SIM1: variants seen among roughly 807,000 people sequenced by gnomAD.
The protein encoded by SIM1 is SIM bHLH transcription factor 1.
A neutral mutation model predicts 78.2 loss-of-function variants in SIM1; 18 were observed. That is an observed-to-expected ratio of 0.23 (90% CI 0.16 to 0.34). SIM1 has a LOEUF of 0.34. Ranked by LOEUF, SIM1 falls within the 10% of genes least tolerant of loss-of-function variation. The pLI is 1.00. For missense variants in SIM1, 939 were observed against 975.1 expected (o/e 0.96, Z 0.49); for synonymous variants, 417 against 385.2 (o/e 1.08, Z -0.97).
chr6:100,404,508 A>G (rs572755564), intron 10 of SIM1, among the ~76,000 whole-genome samples: 1 of 152,316 alleles, frequency 6.6e-6, no homozygotes, highest in South Asian at 2.1e-4. Flanking sequence ...ACTGCATTGT[A>G]CTAAGAACAT....
At chr6:100,450,690 TCTCTCTCACA>T (rs1437764400) in intron 3 of SIM1, among the ~76,000 whole-genome samples, 71 of 97,456 alleles carry the variant, frequency 7.3e-4, no homozygotes, top group East Asian at 1.4e-3. Flanking sequence ...TCTCTCTCTC[TCTCTCTCACA>T]CACACACACA....
At chr6:100,394,785 A>C (rs1001841925) in intron 10 of SIM1, among the ~76,000 whole-genome samples, 2 of 152,220 alleles carry the variant, frequency 1.3e-5, no homozygotes, top group African/African-American at 4.8e-5. Flanking sequence ...CATTAAGTTA[A>C]CTCTGTTAAC....
Position 100,448,266 on chromosome 6 carries a change from TC to T in SIM1, c.744-15del. On this transcript the variant is annotated splice_polypyrimidine_tract_variant and intron_variant, in intron 7 of 11. Coordinates refer to ENST00000369208, the MANE Select transcript of SIM1 (RefSeq NM_005068.3). ...AGCTCCGCCACCCTGAGGAGAGCAA[TC>T]CCTGCAGGATGAATGCAGGCGCGGG... The T allele has an allele frequency of 1.2e-6, 2 of 1,603,460 alleles. No individual in the cohort carries two copies. The highest frequency in any genetic ancestry group is 1.7e-6 in the Non-Finnish European group (2 of 1,173,014).
At chr6:100,446,671 C>T (rs1772363435) in intron 9 of SIM1, among the ~76,000 whole-genome samples, 1 of 152,216 alleles carries the variant, frequency 6.6e-6, no homozygotes, top group Non-Finnish European at 1.5e-5. Flanking sequence ...CCGCTCCTCA[C>T]TCAGTGAAGC....
At chr6:100,458,930 C>T (rs1349753319) in intron 2 of SIM1, among the ~76,000 whole-genome samples, 3 of 152,220 alleles carry the variant, frequency 2.0e-5, no homozygotes, top group African/African-American at 7.2e-5. Flanking sequence ...GGATCAGACA[C>T]TGGCAATGGG....
At chr6:100,450,168 G>A (rs1166063927) in intron 4 of SIM1, 99 bp downstream of exon 4, 4 of 925,844 alleles carry the variant, frequency 4.3e-6, no homozygotes, top group Non-Finnish European at 7.1e-6. Context: ...CCAGCTCCAG[G>A]TTTAGAGAAG....
At chr6:100,409,712 A>G (rs992659291) in intron 10 of SIM1, among the ~76,000 whole-genome samples, 1 of 152,066 alleles carries the variant, frequency 6.6e-6, no homozygotes, top group African/African-American at 2.4e-5. Context: ...CAACCCAGAC[A>G]TTTTTATATG....
intron 3 of SIM1, among the ~76,000 whole-genome samples, chr6:100,450,926 C>T (rs1772499243): frequency 6.6e-6 from 1 of 152,130 alleles, no homozygotes; most frequent in Admixed American, 6.5e-5. Context: ...AGATGAGAGG[C>T]TTTACAAGGA....
intron 10 of SIM1, among the ~76,000 whole-genome samples, chr6:100,394,544 C>T (rs1370136688): frequency 6.6e-6 from 1 of 152,182 alleles, no homozygotes; most frequent in Non-Finnish European, 1.5e-5. Context: ...TAGGTGAGAT[C>T]ACAGGTGTGC....
intron 4 of SIM1, among the ~76,000 whole-genome samples, chr6:100,450,012 A>G (rs1772468756): frequency 6.6e-6 from 1 of 152,228 alleles, no homozygotes. Context: ...TAAGTATGTA[A>G]CGTCCTCTCA....
chr6:100,428,743 C>T (rs1771810760), intron 9 of SIM1, among the ~76,000 whole-genome samples: 1 of 151,872 alleles, frequency 6.6e-6, no homozygotes, highest in African/African-American at 2.4e-5. Context: ...CCTATGCCTA[C>T]ATTATAGGAA....
chr6:100,416,048 C>A (rs1336103475), intron 10 of SIM1, among the ~76,000 whole-genome samples: 4 of 152,166 alleles, frequency 2.6e-5, no homozygotes, highest in South Asian at 2.1e-4. Context: ...AACTCTCCCT[C>A]CCAGATAAGC....
Position 100,393,837 on chromosome 6 carries a change from C to G in SIM1, c.1220G>C (p.Gly407Ala). Residue 407 changes from glycine (G) to alanine (A), a missense_variant, in exon 11 of 12, where the codon GGC becomes GCC. Around this residue, in one of 5 missense-constraint regions of SIM1, gnomAD observed 556 missense variants for 521.9 expected, o/e 1.07. Transcript: ENST00000369208. The part of the protein sequence containing the change: ...RSESDHDSQW[G>A]GSPLTDTASP... ...GGCCGTGTCGGTCAAGGGACTTCCG[C>G]CCCACTGGCTGTCATGATCAGATTC... is the stretch of plus-strand genomic sequence containing the variant. 1 of 1,605,688 alleles carries G rather than the reference C, an allele frequency of 6.2e-7. No homozygotes were observed. Among genetic ancestry groups the G allele is most frequent in the African/African-American group, 1.3e-5 (1 of 74,884 alleles).
chr6:100,399,863 A>T (rs1770862972), intron 10 of SIM1, among the ~76,000 whole-genome samples: 1 of 152,082 alleles, frequency 6.6e-6, no homozygotes, highest in Non-Finnish European at 1.5e-5. Flanking sequence ...TGATCATGTG[A>T]CATGCCTAAA....
chr6:100,393,706 G>A lies in SIM1; in HGVS notation c.1351C>T (p.Leu451Phe), dbSNP rs201392316. ...TCTTCCACCAGCCTCGAGTGGTCAA[G>A]CGCAAAGCCATAGCAGAGAGAGCTG... is the stretch of plus-strand genomic sequence containing the variant. ...DRSSLCYGFA[L>F]DHSRLVEERH... The change falls in exon 11 of 12, where the codon CTT (leucine) becomes TTT (phenylalanine). Residue 451 changes from leucine to phenylalanine, a missense_variant. Transcript: ENST00000369208. The A allele has an allele frequency of 3.8e-5, 62 of 1,614,094 alleles. No homozygotes were observed. The highest frequency in any genetic ancestry group is 5.1e-6 in the Non-Finnish European group (6 of 1,180,016).
intron 9 of SIM1, among the ~76,000 whole-genome samples, chr6:100,422,123 C>T (rs1443333460): frequency 6.6e-6 from 1 of 152,136 alleles, no homozygotes; most frequent in African/African-American, 2.4e-5. Context: ...TTTTCACTTT[C>T]TCTGATTCTC....
chr6:100,447,720 A>G (rs1772394342), intron 8 of SIM1, among the ~76,000 whole-genome samples: 1 of 152,314 alleles, frequency 6.6e-6, no homozygotes, highest in Middle Eastern at 3.4e-3. Flanking sequence ...CTACGGAAGT[A>G]AGGCTCTGGG....
intron 10 of SIM1, among the ~76,000 whole-genome samples, chr6:100,402,477 G>A (rs1332048251): frequency 1.3e-5 from 2 of 151,748 alleles, no homozygotes; most frequent in African/African-American, 2.4e-5. Flanking sequence ...GTGGCGAGGA[G>A]GGAGAATCAT....
chr6:100,446,491 A>G lies in SIM1; in HGVS notation c.998+777T>C, dbSNP rs563659486. 1.4e-4 allele frequency among the ~76,000 whole-genome samples: 21 copies of G among 152,310 alleles called. No individual in the cohort carries two copies. The South Asian group carries it at 4.1e-3, about 30-fold the overall frequency. ...AACCCTAAGCAATTCAACTTCCACA[A>G]ACATTGTACAGAACACGCTTTCTTC... On this transcript the variant is annotated intron_variant, in intron 9 of 11. Transcript: ENST00000369208.
Sources: allele counts gnomAD v4.1 joint callset (sites outside exome capture counted in the v4.1 genomes callset), GRCh38; gene constraint gnomAD v4.1.1; regional missense constraint gnomAD v4.1.1; transcripts MANE v1.5; gene names NCBI Gene and HGNC (gene_info 2026-07-23, HGNC 2026-07-21).